The following ART3 variants were observed in gnomAD, a reference collection of about 807,000 sequenced individuals.
ART3 encodes the protein ecto-ADP-ribosyltransferase 3.
ART3 carries 49 observed loss-of-function variants against 48.5 expected under a neutral mutation model. That is an observed-to-expected ratio of 1.01 (90% CI 0.80 to 1.28). ART3 has a LOEUF of 1.28. Ranked by LOEUF, ART3 falls within the 50% of genes most tolerant of loss-of-function variation. The probability of loss-of-function intolerance (pLI) is 0.00; values close to 1 mark genes in which losing one functional copy is unlikely to be tolerated. For missense variants in ART3, 438 were observed against 454.3 expected (o/e 0.96, Z 0.33); for synonymous variants, 145 against 157.2 (o/e 0.92, Z 0.58).
intron 1 of ART3, among the ~76,000 whole-genome samples, chr4:76,023,147 C>G (rs1188746507): frequency 6.6e-6 from 1 of 152,188 alleles, no homozygotes; most frequent in Non-Finnish European, 1.5e-5. Flanking sequence ...TCTTCCCCAT[C>G]TCTTCTGTCC....
intron 1 of ART3, among the ~76,000 whole-genome samples, chr4:76,040,122 C>G (rs1018733663): frequency 1.3e-5 from 2 of 151,994 alleles, no homozygotes; most frequent in African/African-American, 4.8e-5. Flanking sequence ...GTCAGGAGTT[C>G]GAGACCAGCC....
chr4:76,099,055 G>A (rs762381503), intron 5 of ART3, 68 bp downstream of exon 5: 402 of 1,417,062 alleles, frequency 2.8e-4, no homozygotes, highest in Non-Finnish European at 3.1e-4. Flanking sequence ...TAATCCCAGC[G>A]CTTTGGAAGG....
At chr4:76,059,358 T>C (rs1702484371) in intron 1 of ART3, among the ~76,000 whole-genome samples, 1 of 109,250 alleles carries the variant, frequency 9.2e-6, no homozygotes, top group Non-Finnish European at 1.9e-5. Flanking sequence ...CGTTATTTTC[T>C]CTTGTTTTTT....
chr4:76,050,404 CA>C (rs1275939163), intron 1 of ART3, among the ~76,000 whole-genome samples: 1 of 152,116 alleles, frequency 6.6e-6, no homozygotes, highest in East Asian at 1.9e-4. Context: ...TCCAGGGCCC[CA>C]CCAGAATAGC....
In ART3 at chr4:76,056,035, G is replaced by A. The variant is rs866313863; in HGVS notation, c.-9-19846G>A. Among the ~76,000 whole-genome samples the A allele has an allele frequency of 1.6e-4, 25 of 152,306 alleles. No homozygotes were observed. The Middle Eastern group carries it at 0.01, about 62-fold the overall frequency. On this transcript the variant is annotated intron_variant, in intron 1 of 9. Transcript: ENST00000341029. ...TCCCTAAGGATTTATACCAGATGAA[G>A]GTCTTGTGACCTTCCAGAGGAAACA...
At chr4:76,106,365 GAAACAC>G (rs1728470032) in intron 10 of ART3, 2 of 985,164 alleles carry the variant, frequency 2.0e-6, no homozygotes, top group Non-Finnish European at 2.4e-6. Context: ...CAGTCTGTAA[GAAACAC>G]GAAAAGGTGG....
intron 1 of ART3, among the ~76,000 whole-genome samples, chr4:76,048,568 T>C (rs1260770782): frequency 6.6e-6 from 1 of 151,754 alleles, no homozygotes; most frequent in Non-Finnish European, 1.5e-5. Flanking sequence ...CTGATTGGAA[T>C]AGTTGCGCTC....
At position 76,044,249 on chromosome 4, in the gene ART3, C is replaced by A. The variant is rs1735275581; in HGVS notation, c.-9-31632C>A. On this transcript the variant is annotated intron_variant, in intron 1 of 9. Transcript: ENST00000341029. ...GAAAGGCGTTGTCTGATTTCAGAAG[C>A]CTTTTCCTGTAAACGCCGGGCGGCA... 3.3e-5 allele frequency among the ~76,000 whole-genome samples: 5 copies of A among 151,934 alleles called. No homozygotes were observed. In the South Asian group the frequency reaches 1.0e-3, roughly 32 times the overall value.
chr4:76,061,692 T>C (rs920697190), intron 1 of ART3, among the ~76,000 whole-genome samples: 4 of 152,238 alleles, frequency 2.6e-5, no homozygotes, highest in African/African-American at 7.2e-5. Flanking sequence ...GCTGTCCAGC[T>C]GTATTAAATG....
At chr4:76,065,580 C>T (rs1011152844) in intron 1 of ART3, among the ~76,000 whole-genome samples, 19 of 151,938 alleles carry the variant, frequency 1.3e-4, no homozygotes, top group African/African-American at 4.6e-4. Context: ...CACACACACT[C>T]GTTGAAATCA....
At chr4:76,013,010 A>G (rs1174765901) in intron 1 of ART3, among the ~76,000 whole-genome samples, 1 of 152,222 alleles carries the variant, frequency 6.6e-6, no homozygotes, top group Non-Finnish European at 1.5e-5. Flanking sequence ...ACATATGTGA[A>G]CAATGATTTC....
chr4:76,045,408 A>G (rs1044206982), intron 1 of ART3, among the ~76,000 whole-genome samples: 4 of 152,016 alleles, frequency 2.6e-5, no homozygotes, highest in Non-Finnish European at 5.9e-5. Context: ...TTTGGCACCT[A>G]GTATGCCATT....
At chr4:76,019,754 A>G (rs1413904839) in intron 1 of ART3, among the ~76,000 whole-genome samples, 3 of 151,390 alleles carry the variant, frequency 2.0e-5, no homozygotes, top group African/African-American at 7.3e-5. Flanking sequence ...GCGCCCGGCC[A>G]TATCACATTC....
At chr4:76,018,566 A>G in intron 1 of ART3, among the ~76,000 whole-genome samples, 1 of 152,222 alleles carries the variant, frequency 6.6e-6, no homozygotes. Context: ...ACAAACCTGC[A>G]TGCGTACTCC....
At chr4:76,016,076 G>A (rs1206398645) in intron 1 of ART3, among the ~76,000 whole-genome samples, 1 of 152,168 alleles carries the variant, frequency 6.6e-6, no homozygotes, top group African/African-American at 2.4e-5. Flanking sequence ...AATGAGTTTG[G>A]AAAGTCTTTA....
chr4:76,102,030 A>G (rs559674470), intron 8 of ART3, among the ~76,000 whole-genome samples: 36 of 152,130 alleles, frequency 2.4e-4, no homozygotes, highest in South Asian at 2.3e-3. Flanking sequence ...AAAGAGATCA[A>G]TTGGCTTTAT....
intron 2 of ART3, among the ~76,000 whole-genome samples, chr4:76,078,643 T>C (rs1478818836): frequency 1.1e-5 from 1 of 91,750 alleles, no homozygotes; most frequent in Non-Finnish European, 2.1e-5. Context: ...GTTTGTAAAA[T>C]GGTGTTAACT....
At chr4:76,102,609 CTT>C (rs1330578121) in intron 8 of ART3, among the ~76,000 whole-genome samples, 1 of 136,436 alleles carries the variant, frequency 7.3e-6, no homozygotes, top group Non-Finnish European at 1.7e-5. Flanking sequence ...AGAAAGTACT[CTT>C]AATACAATGG....
intron 1 of ART3, chr4:76,021,218 C>T (rs1188391707): frequency 6.6e-6 from 1 of 152,194 alleles, no homozygotes; most frequent in East Asian, 1.9e-4. Flanking sequence ...GAAAACCATT[C>T]AGCACATTTA....
Sources: gnomAD v4.1 joint callset for allele counts (sites outside exome capture counted in the v4.1 genomes callset) on GRCh38, gnomAD v4.1.1 for gene constraint, MANE v1.5 for transcripts, NCBI Gene and HGNC (gene_info 2026-07-23, HGNC 2026-07-21) for gene names.